CHCHD3: variants seen among roughly 807,000 people sequenced by gnomAD.
CHCHD3 encodes the protein coiled-coil-helix-coiled-coil-helix domain containing 3.
CHCHD3 carries 20 observed loss-of-function variants against 38.2 expected under a neutral mutation model. That is an observed-to-expected ratio of 0.52 (90% CI 0.37 to 0.76). CHCHD3 has a LOEUF of 0.76. Among genes scored for constraint, CHCHD3 ranks in the 30% least tolerant of loss-of-function variants. CHCHD3 has a pLI of 0.00. For missense variants in CHCHD3, 245 were observed against 279.2 expected (o/e 0.88, Z 0.87); for synonymous variants, 82 against 100.0 (o/e 0.82, Z 1.07).
intron 2 of CHCHD3, among the ~76,000 whole-genome samples, chr7:133,036,290 C>G (rs1813671720): frequency 6.6e-6 from 1 of 152,090 alleles, no homozygotes; most frequent in Non-Finnish European, 1.5e-5. Context: ...TCAAGTTACA[C>G]AGTTCATAGG....
At chr7:132,895,754 G>C (rs1424206597) in intron 4 of CHCHD3, among the ~76,000 whole-genome samples, 2 of 152,170 alleles carry the variant, frequency 1.3e-5, no homozygotes, top group African/African-American at 4.8e-5. Flanking sequence ...ATGATTGTGA[G>C]GTCTCCCCAG....
chr7:132,955,472 G>T (rs187743981), intron 4 of CHCHD3, among the ~76,000 whole-genome samples: 1 of 151,228 alleles, frequency 6.6e-6, no homozygotes, highest in East Asian at 1.9e-4. Flanking sequence ...ACTAGACTAC[G>T]ATATCCAGAT....
chr7:132,905,433 C>A (rs1393217616), intron 4 of CHCHD3, among the ~76,000 whole-genome samples: 1 of 151,938 alleles, frequency 6.6e-6, no homozygotes, highest in Admixed American at 6.6e-5. Context: ...AAACAACACA[C>A]ACTGGGGCCT....
chr7:132,952,101 G>C (rs1000505241), intron 4 of CHCHD3, among the ~76,000 whole-genome samples: 2 of 152,204 alleles, frequency 1.3e-5, no homozygotes, highest in African/African-American at 2.4e-5. Flanking sequence ...GGGCACAGAG[G>C]CCTTGGCACT....
At position 133,044,956 on chromosome 7, in the gene CHCHD3, C is replaced by T. The variant is rs907072412; in HGVS notation, c.170-20329G>A. Among the ~76,000 whole-genome samples, 3 of 152,252 alleles carry T rather than the reference C, an allele frequency of 2.0e-5. No individual in the cohort carries two copies. The East Asian group carries it at 5.8e-4, about 29-fold the overall frequency. On this transcript the variant is annotated intron_variant, in intron 2 of 7. Coordinates refer to ENST00000262570, the MANE Select transcript of CHCHD3 (RefSeq NM_017812.4). ...CTGGGGAAAGCAACGCACATACTCA[C>T]TGCATGATGCGGGGTTAGGGGAGCA... is the stretch of plus-strand genomic sequence containing the variant.
chr7:132,817,206 T>C (rs1807222572), intron 6 of CHCHD3, among the ~76,000 whole-genome samples: 1 of 151,716 alleles, frequency 6.6e-6, no homozygotes, highest in Admixed American at 6.6e-5. Flanking sequence ...AAGCTTTCTT[T>C]CTTTTTTTTT....
At chr7:132,876,594 C>T (rs1220420656) in intron 5 of CHCHD3, among the ~76,000 whole-genome samples, 4 of 152,128 alleles carry the variant, frequency 2.6e-5, no homozygotes, top group Non-Finnish European at 4.4e-5. Context: ...ATATTGTTGG[C>T]ATCTCAGCAC....
At chr7:132,836,019 C>T (rs1271665311) in intron 6 of CHCHD3, among the ~76,000 whole-genome samples, 2 of 152,208 alleles carry the variant, frequency 1.3e-5, no homozygotes, top group Non-Finnish European at 2.9e-5. Flanking sequence ...GCCTCCAGAA[C>T]TGTGAGAAAA....
chr7:132,846,700 C>T (rs1044562057), intron 5 of CHCHD3, among the ~76,000 whole-genome samples: 1 of 152,140 alleles, frequency 6.6e-6, no homozygotes, highest in Non-Finnish European at 1.5e-5. Flanking sequence ...TAGAGTGACA[C>T]CTGCAATTCT....
At chr7:132,868,470 C>T (rs1422834624) in intron 5 of CHCHD3, among the ~76,000 whole-genome samples, 5 of 151,970 alleles carry the variant, frequency 3.3e-5, no homozygotes, top group East Asian at 3.9e-4. Context: ...TTAACACAGC[C>T]GTCTGTGAAG....
intron 3 of CHCHD3, among the ~76,000 whole-genome samples, chr7:133,001,750 C>T (rs967711076): frequency 3.9e-5 from 6 of 152,018 alleles, no homozygotes; most frequent in Admixed American, 3.9e-4. Context: ...TGAAAAAGGG[C>T]AAATGTAGAA....
At chr7:132,982,750 G>T (rs1246818981) in intron 3 of CHCHD3, among the ~76,000 whole-genome samples, 1 of 152,134 alleles carries the variant, frequency 6.6e-6, no homozygotes, top group Non-Finnish European at 1.5e-5. Flanking sequence ...GAGGCACAGA[G>T]AAATTATGTA....
chr7:132,999,754 C>G (rs1266944207), intron 3 of CHCHD3, among the ~76,000 whole-genome samples: 1 of 151,714 alleles, frequency 6.6e-6, no homozygotes, highest in African/African-American at 2.4e-5. Context: ...TAAACATTTT[C>G]TAATGTCTAA....
intron 4 of CHCHD3, among the ~76,000 whole-genome samples, chr7:132,967,104 C>T (rs1022716906): frequency 3.9e-5 from 6 of 152,176 alleles, no homozygotes; most frequent in Non-Finnish European, 8.8e-5. Flanking sequence ...ACGGCTAACA[C>T]ACAGGACACC....
intron 5 of CHCHD3, among the ~76,000 whole-genome samples, chr7:132,884,768 T>G (rs1360004905): frequency 6.6e-6 from 1 of 152,130 alleles, no homozygotes; most frequent in Non-Finnish European, 1.5e-5. Flanking sequence ...GTGCTCAAAC[T>G]CTCATTCTTA....
intron 2 of CHCHD3, among the ~76,000 whole-genome samples, chr7:133,026,823 G>A (rs551137195): frequency 5.9e-4 from 90 of 152,262 alleles, no homozygotes; most frequent in African/African-American, 2.1e-3. Flanking sequence ...GAATAGAAAA[G>A]TCCATAGACA....
chr7:133,011,418 CT>C (rs1812869881), intron 3 of CHCHD3, among the ~76,000 whole-genome samples: 1 of 152,200 alleles, frequency 6.6e-6, no homozygotes, highest in East Asian at 1.9e-4. Flanking sequence ...ATGGTAATGG[CT>C]TACACCAGGG....
chr7:132,807,531 C>T (rs1282691920), intron 6 of CHCHD3, among the ~76,000 whole-genome samples: 4 of 148,576 alleles, frequency 2.7e-5, no homozygotes, highest in African/African-American at 1.0e-4. Context: ...GCAATGATTA[C>T]TTATTCTGCA....
intron 4 of CHCHD3, among the ~76,000 whole-genome samples, chr7:132,899,853 G>A (rs947183972): frequency 2.2e-4 from 34 of 152,126 alleles, no homozygotes; most frequent in Middle Eastern, 3.2e-3. Context: ...CATTTCATGC[G>A]TTACATTTAC....
Sources: allele counts gnomAD v4.1 joint callset (sites outside exome capture counted in the v4.1 genomes callset), GRCh38; gene constraint gnomAD v4.1.1; transcripts MANE v1.5; gene names NCBI Gene and HGNC (gene_info 2026-07-23, HGNC 2026-07-21).